The following TNKS variants were observed in gnomAD, a reference collection of about 807,000 sequenced individuals.
The protein encoded by TNKS is poly [ADP-ribose] polymerase tankyrase-1.
Under a neutral mutation model 135.8 loss-of-function variants are expected in TNKS, and 72 were observed. The ratio of observed to expected loss-of-function variants is 0.53; its 90% CI spans 0.44 to 0.64. The LOEUF (loss-of-function observed/expected upper bound fraction) is 0.64. Ranked by LOEUF, TNKS falls within the 30% of genes least tolerant of loss-of-function variation. TNKS has a pLI of 0.00. For missense variants in TNKS, 1,769 were observed against 1,674.0 expected, an observed-to-expected ratio of 1.06 and a Z score of -0.99; for synonymous variants, 849 against 649.3, an observed-to-expected ratio of 1.31 and a Z score of -4.68.
intron 3 of TNKS, among the ~76,000 whole-genome samples, chr8:9,661,179 A>G (rs187890215): frequency 0.097 from 14,659 of 151,188 alleles, 1,019 homozygotes; most frequent in East Asian, 0.21. Context: ...TCTAGATTCA[A>G]TGCGATCCCC....
intron 3 of TNKS, among the ~76,000 whole-genome samples, chr8:9,616,685 C>T (rs1408095090): frequency 6.6e-6 from 1 of 152,132 alleles, no homozygotes; most frequent in Non-Finnish European, 1.5e-5. Flanking sequence ...AACAACTTTG[C>T]ACTGTGCTAA....
chr8:9,719,814 T>C (rs1312193529), intron 11 of TNKS, among the ~76,000 whole-genome samples: 1 of 152,234 alleles, frequency 6.6e-6, no homozygotes, highest in Non-Finnish European at 1.5e-5. Context: ...CTGTGTATAA[T>C]AACTCTTCAA....
At chr8:9,676,464 A>G (rs2128795419) in intron 3 of TNKS, among the ~76,000 whole-genome samples, 1 of 152,310 alleles carries the variant, frequency 6.6e-6, no homozygotes, top group East Asian at 1.9e-4. Context: ...GGGCAAAAGC[A>G]CTTACAATGT....
intron 3 of TNKS, among the ~76,000 whole-genome samples, chr8:9,664,525 C>G (rs919843543): frequency 3.9e-5 from 6 of 152,204 alleles, no homozygotes; most frequent in African/African-American, 1.4e-4. Context: ...AGCACGTTAA[C>G]ATATAAAAAT....
At chr8:9,636,438 T>C (rs1411546387) in intron 3 of TNKS, among the ~76,000 whole-genome samples, 6 of 152,198 alleles carry the variant, frequency 3.9e-5, no homozygotes, top group Non-Finnish European at 7.4e-5. Flanking sequence ...CTCAAGACTT[T>C]TTTTTTCTTT....
At chr8:9,725,727 T>A (rs1189291287) in intron 12 of TNKS, among the ~76,000 whole-genome samples, 2 of 152,242 alleles carry the variant, frequency 1.3e-5, no homozygotes, top group Admixed American at 1.3e-4. Flanking sequence ...TGTGTTAACA[T>A]AATGTGTGCT....
At chr8:9,712,965 G>T (rs1486363136) in intron 11 of TNKS, among the ~76,000 whole-genome samples, 1 of 151,918 alleles carries the variant, frequency 6.6e-6, no homozygotes, top group South Asian at 2.1e-4. Flanking sequence ...AATTCTCTTT[G>T]TGTAAGTTTT....
intron 1 of TNKS, among the ~76,000 whole-genome samples, chr8:9,575,982 G>A (rs1422841170): frequency 1.3e-5 from 2 of 152,166 alleles, no homozygotes; most frequent in African/African-American, 4.8e-5. Flanking sequence ...ACGGTTGGGA[G>A]GAAGGGTGAG....
At chr8:9,751,397 C>G (rs1363865215) in intron 18 of TNKS, among the ~76,000 whole-genome samples, 1 of 152,052 alleles carries the variant, frequency 6.6e-6, no homozygotes. Context: ...GAAGAAATAT[C>G]TTTAAAAATT....
At chr8:9,628,888 C>A (rs1234844345) in intron 3 of TNKS, among the ~76,000 whole-genome samples, 1 of 152,210 alleles carries the variant, frequency 6.6e-6, no homozygotes, top group Non-Finnish European at 1.5e-5. Flanking sequence ...GAACCCCATT[C>A]TTTCCCTCTC....
At chr8:9,678,062 T>C (rs542707618) in intron 3 of TNKS, among the ~76,000 whole-genome samples, 1 of 152,348 alleles carries the variant, frequency 6.6e-6, no homozygotes, top group East Asian at 1.9e-4. Context: ...TTCTTTACTG[T>C]AATCATTTAT....
rs897667331 is a variant in TNKS at position 9,656,449 on chromosome 8, G to A, written c.995-23502G>A. Among the ~76,000 whole-genome samples, 10 of 152,030 alleles carry A rather than the reference G, an allele frequency of 6.6e-5. No homozygotes were observed. The South Asian group carries it at 8.3e-4, about 13-fold the overall frequency. On this transcript the variant is annotated intron_variant, in intron 3 of 26. Transcript: ENST00000310430. ...AAGACACCTAATTGTCAAATTCACC[G>A]AAGTTGAAATGAGGGAAAAAATGTT...
chr8:9,746,154 T>C (rs1411212553), intron 17 of TNKS, among the ~76,000 whole-genome samples: 1 of 152,206 alleles, frequency 6.6e-6, no homozygotes, highest in East Asian at 1.9e-4. Flanking sequence ...TGCCCAGAAA[T>C]GTGTCTGTAA....
intron 2 of TNKS, among the ~76,000 whole-genome samples, chr8:9,608,192 C>T (rs903308931): frequency 5.9e-5 from 9 of 152,202 alleles, no homozygotes; most frequent in African/African-American, 1.9e-4. Context: ...TCTTCCACCT[C>T]AGCCTCCCAA....
intron 3 of TNKS, among the ~76,000 whole-genome samples, chr8:9,662,435 G>T (rs1213368597): frequency 6.6e-6 from 1 of 152,186 alleles, no homozygotes. Flanking sequence ...ATGAGTTCAT[G>T]TCCTTTGTAG....
chr8:9,777,547 C>G lies in TNKS; in HGVS notation c.*811C>G, dbSNP rs990912588. 6.6e-6 allele frequency: 1 copy of G among 152,182 alleles called. No individual in the cohort carries two copies. The highest frequency in any genetic ancestry group is 2.4e-5 in the African/African-American group (1 of 41,422). The allele number at this position is 152,182 out of a possible 1,614,324, so 9.4% of individuals were successfully genotyped here. A position where few individuals can be genotyped will look rare whatever the true frequency, so the allele number is the denominator to read the frequency against. On this transcript the variant is annotated 3_prime_UTR_variant, in exon 27 of 27. Coordinates refer to ENST00000310430, the MANE Select transcript of TNKS (RefSeq NM_003747.3). ...TCCAACACAAGCCTGCCACAGAGGT[C>G]TTCGGGACAGTACTGGAGATGCAGG...
intron 2 of TNKS, among the ~76,000 whole-genome samples, chr8:9,593,958 C>T (rs938668471): frequency 6.6e-6 from 1 of 152,100 alleles, no homozygotes; most frequent in South Asian, 2.1e-4. Flanking sequence ...ACGATCTCAG[C>T]TCACTGGAAC....
intron 3 of TNKS, among the ~76,000 whole-genome samples, chr8:9,636,029 A>T (rs1188501990): frequency 6.6e-6 from 1 of 152,234 alleles, no homozygotes; most frequent in African/African-American, 2.4e-5. Context: ...CTGTGGTTAC[A>T]TGAAAAAAGT....
intron 9 of TNKS, among the ~76,000 whole-genome samples, 162 bp from the exon 10 acceptor site, chr8:9,709,793 C>T (rs765915535): frequency 7.2e-5 from 11 of 152,246 alleles, no homozygotes; most frequent in South Asian, 2.1e-4. Context: ...TTCCACTATA[C>T]GTAGAAAGAA....
Sources: allele counts gnomAD v4.1 joint callset (sites outside exome capture counted in the v4.1 genomes callset), GRCh38; gene constraint gnomAD v4.1.1; transcripts MANE v1.5; gene names NCBI Gene and HGNC (gene_info 2026-07-23, HGNC 2026-07-21).